The following SCN8A variants were observed in gnomAD, a reference collection of about 807,000 sequenced individuals.
SCN8A encodes the protein sodium voltage-gated channel alpha subunit 8.
Under a neutral mutation model 184.1 loss-of-function variants are expected in SCN8A, and 30 were observed. The observed-to-expected ratio is 0.16, with a 90% CI of 0.12 to 0.22. SCN8A has a LOEUF of 0.22. Ranked by LOEUF, SCN8A falls within the 10% of genes least tolerant of loss-of-function variation. SCN8A has a pLI of 1.00. For missense variants in SCN8A, 1,057 were observed against 2,498.9 expected (o/e 0.42, Z 12.30); for synonymous variants, 852 against 907.0 (o/e 0.94, Z 1.09).
intron 2 of SCN8A, among the ~76,000 whole-genome samples, chr12:51,674,493 T>C (rs1355950385): frequency 1.3e-5 from 2 of 152,116 alleles, no homozygotes; most frequent in African/African-American, 4.8e-5. Context: ...CCACCACGCC[T>C]GGCTAATTTT....
At chr12:51,689,314 G>A in intron 6 of SCN8A, 1 of 522,522 alleles carries the variant, frequency 1.9e-6, no homozygotes, top group South Asian at 2.8e-5. Flanking sequence ...CCATGCTATT[G>A]AAAAAGCACG....
chr12:51,660,780 CAT>C (rs2138668039), intron 1 of SCN8A, among the ~76,000 whole-genome samples: 1 of 152,184 alleles, frequency 6.6e-6, no homozygotes, highest in South Asian at 2.1e-4. Flanking sequence ...ATGCTTGAAA[CAT>C]AGTATGTGAT....
At chr12:51,776,836 A>G (rs1378457260) in intron 20 of SCN8A, among the ~76,000 whole-genome samples, 1 of 152,160 alleles carries the variant, frequency 6.6e-6, no homozygotes, top group Non-Finnish European at 1.5e-5. Context: ...TACTCATCGC[A>G]TTTGTTTCCC....
intron 11 of SCN8A, among the ~76,000 whole-genome samples, chr12:51,719,949 G>T: frequency 6.6e-6 from 1 of 151,692 alleles, no homozygotes; most frequent in Non-Finnish European, 1.5e-5. Context: ...GGTAGCGGGC[G>T]CCTGTAGTCC....
Position 51,702,926 on chromosome 12 carries a change from C to G in SCN8A, c.1134+12C>G, listed in dbSNP as rs760180910. Reference sequence around the variant, plus strand: ...ACTTGTATCAATTGGTGAGTAATACCTCTTTTCCTTTGGCCATAGAGTTTG... The same window carrying G: ...ACTTGTATCAATTGGTGAGTAATACGTCTTTTCCTTTGGCCATAGAGTTTG... On this transcript the variant is annotated intron_variant, in intron 9 of 26. Coordinates refer to ENST00000627620, the MANE Select transcript of SCN8A (RefSeq NM_001330260.2). The G allele has an allele frequency of 6.3e-6, 10 of 1,585,516 alleles. No homozygotes were observed. In the African/African-American group the frequency reaches 8.0e-5, roughly 13 times the overall value.
At chr12:51,685,574 T>A (rs1364346998) in intron 3 of SCN8A, among the ~76,000 whole-genome samples, 1 of 152,222 alleles carries the variant, frequency 6.6e-6, no homozygotes, top group Non-Finnish European at 1.5e-5. Flanking sequence ...CCTGGACACT[T>A]TCAGAATGGA....
intron 1 of SCN8A, among the ~76,000 whole-genome samples, chr12:51,639,611 T>C (rs1186245449): frequency 2.0e-5 from 3 of 152,050 alleles, no homozygotes; most frequent in African/African-American, 4.8e-5. Context: ...GTGGATAAAA[T>C]GCTGTCAAAT....
chr12:51,673,849 AG>A (rs996678157), intron 2 of SCN8A, among the ~76,000 whole-genome samples: 2 of 152,224 alleles, frequency 1.3e-5, no homozygotes. Context: ...CAAGTGTTAT[AG>A]GGACACACAG....
At position 51,765,725 on chromosome 12, in the gene SCN8A, A is replaced by T; in HGVS notation, c.2599A>T (p.Ile867Phe). The T allele has an allele frequency of 6.2e-7, 1 of 1,612,870 alleles. No homozygotes were observed. ...SWPTLNMLIK[I>F]IGNSVGALGN... ...GCCCACCCTGAACATGCTAATCAAG[A>T]TTATTGGAAATTCAGTGGGTGCCCT... is the stretch of plus-strand genomic sequence containing the variant. The change falls in exon 16 of 27, where the codon ATT becomes TTT. Residue 867 changes from isoleucine (I) to phenylalanine (F), a missense_variant. By Grantham distance (21) the Ile-to-Phe change is conservative. Around this residue, in one of 19 missense-constraint regions of SCN8A, gnomAD observed 66 missense variants for 310.6 expected, o/e 0.21. Coordinates refer to ENST00000627620, the MANE Select transcript of SCN8A (RefSeq NM_001330260.2).
At chr12:51,639,962 C>T (rs1940410818) in intron 1 of SCN8A, among the ~76,000 whole-genome samples, 1 of 114,876 alleles carries the variant, frequency 8.7e-6, no homozygotes, top group Admixed American at 1.3e-4. Flanking sequence ...GGCTAGAATG[C>T]AGTGGCCCAA....
chr12:51,682,913 A>G (rs552804748), intron 2 of SCN8A, among the ~76,000 whole-genome samples: 4 of 152,260 alleles, frequency 2.6e-5, no homozygotes, highest in African/African-American at 7.2e-5. Flanking sequence ...ACATGCTACT[A>G]TGCTTTCATA....
chr12:51,759,235 A>C (rs892404949), intron 14 of SCN8A, among the ~76,000 whole-genome samples: 9 of 151,368 alleles, frequency 5.9e-5, no homozygotes, highest in African/African-American at 2.2e-4. Flanking sequence ...ATATATATAA[A>C]TGAAAATATA....
At chr12:51,706,277 A>G (rs550099746) in intron 10 of SCN8A, 145 bp from the exon 11 acceptor site, 3 of 695,538 alleles carry the variant, frequency 4.3e-6, no homozygotes, top group Non-Finnish European at 4.4e-6. Context: ...CAGAATACAC[A>G]GAAACCCTCT....
intron 21 of SCN8A, among the ~76,000 whole-genome samples, chr12:51,783,213 A>T (rs1053720709): frequency 6.6e-6 from 1 of 152,180 alleles, no homozygotes; most frequent in African/African-American, 2.4e-5. Context: ...TGCAAGAAGA[A>T]AAGATTGGAT....
chr12:51,638,776 C>T (rs1384822011), intron 1 of SCN8A, among the ~76,000 whole-genome samples: 4 of 152,278 alleles, frequency 2.6e-5, no homozygotes, highest in Admixed American at 2.6e-4. Context: ...TGAGCCACCA[C>T]ACCCGGCCGG....
Position 51,769,314 on chromosome 12 carries a change from G to A in SCN8A, c.3351G>A (p.Ser1117=), listed in dbSNP as rs776017244. The part of the protein sequence containing the change: ...NLNTEDVSSE[S]DPEGSKDKLD... ...ACACAGAGGATGTTAGCAGCGAGTC[G>A]GATCCTGAAGGCAGCAAAGATGTAA... Residue 1117 remains serine (S), a synonymous_variant, in exon 17 of 27, where the codon TCG becomes TCA. Transcript: ENST00000627620. 2.1e-5 allele frequency: 33 copies of A among 1,591,554 alleles called. No individual in the cohort carries two copies. The South Asian group carries it at 3.2e-4, about 15-fold the overall frequency.
chr12:51,675,685 A>G (rs1025767546), intron 2 of SCN8A, among the ~76,000 whole-genome samples: 2 of 152,212 alleles, frequency 1.3e-5, no homozygotes, highest in African/African-American at 4.8e-5. Context: ...TTGTGAAACG[A>G]ATAGTTAGAT....
chr12:51,703,974 C>G (rs1941735819), intron 9 of SCN8A, among the ~76,000 whole-genome samples: 1 of 151,980 alleles, frequency 6.6e-6, no homozygotes, highest in South Asian at 2.1e-4. Context: ...GGCGCAATCT[C>G]TGTTCACTGC....
Position 51,806,116 on chromosome 12 carries a change from C to T in SCN8A, c.4796-166C>T, listed in dbSNP as rs1435516310. Among the ~76,000 whole-genome samples the T allele has an allele frequency of 6.6e-6, 1 of 152,190 alleles. No homozygotes were observed. The highest frequency in any genetic ancestry group is 2.4e-5 in the African/African-American group (1 of 41,442). On this transcript the variant is annotated intron_variant, in intron 26 of 26. Transcript: ENST00000627620. The surrounding 1 kb of genome is among the most constrained non-coding windows in gnomAD (Gnocchi z 8.7). The stretch of plus-strand genomic sequence containing the variant: ...GTCCTGGGATTACAGGCGTGAGCCC[C>T]CATGCCCAGCCAAAATGTCACTTTT...
Sources: allele counts gnomAD v4.1 joint callset (sites outside exome capture counted in the v4.1 genomes callset), GRCh38; gene constraint gnomAD v4.1.1; regional missense constraint gnomAD v4.1.1; non-coding constraint Gnocchi (gnomAD v3.1); transcripts MANE v1.5; gene names NCBI Gene and HGNC (gene_info 2026-07-23, HGNC 2026-07-21).